Variants in CSMD1 observed in about 807,000 individuals in gnomAD.
The protein encoded by CSMD1 is CUB and Sushi multiple domains 1.
Under a neutral mutation model 417.5 loss-of-function variants are expected in CSMD1, and 213 were observed. The ratio of observed to expected loss-of-function variants is 0.51; its 90% CI spans 0.46 to 0.57. The LOEUF is 0.57. Ranked by LOEUF, CSMD1 falls within the 20% of genes least tolerant of loss-of-function variation. CSMD1 has a pLI of 0.00. For missense variants in CSMD1, 6,923 were observed against 4,529.7 expected (o/e 1.53, Z -15.17); for synonymous variants, 2,862 against 1,736.8 (o/e 1.65, Z -16.11).
intron 3 of CSMD1, among the ~76,000 whole-genome samples, chr8:4,105,134 T>C (rs1801502995): frequency 6.6e-6 from 1 of 152,132 alleles, no homozygotes; most frequent in African/African-American, 2.4e-5. Context: ...TAATACACAA[T>C]CACTAATAAC....
intron 12 of CSMD1, among the ~76,000 whole-genome samples, chr8:3,437,330 T>G (rs1402312310): frequency 2.6e-5 from 4 of 152,204 alleles, no homozygotes; most frequent in Non-Finnish European, 5.9e-5. Flanking sequence ...ATTATTGGCC[T>G]CAACTCGGGA....
chr8:4,168,358 T>G (rs1334059231), intron 3 of CSMD1, among the ~76,000 whole-genome samples: 1 of 152,006 alleles, frequency 6.6e-6, no homozygotes, highest in Non-Finnish European at 1.5e-5. Context: ...ATTGCGCCAC[T>G]GTACTCAGTC....
intron 1 of CSMD1, among the ~76,000 whole-genome samples, chr8:4,664,506 A>G (rs2130929037): frequency 6.6e-6 from 1 of 152,284 alleles, no homozygotes; most frequent in Admixed American, 6.5e-5. Context: ...GGCTGCAGTG[A>G]GCCGTGATCA....
chr8:4,463,121 G>A (rs766452717), intron 2 of CSMD1, among the ~76,000 whole-genome samples: 6 of 152,092 alleles, frequency 3.9e-5, no homozygotes, highest in African/African-American at 4.8e-5. Flanking sequence ...CCAAGTATGG[G>A]CACAATAATC....
chr8:3,896,776 C>T (rs1378358420), intron 5 of CSMD1, among the ~76,000 whole-genome samples: 1 of 151,928 alleles, frequency 6.6e-6, no homozygotes, highest in South Asian at 2.1e-4. Context: ...ACGTAAACAG[C>T]AAGTATATTG....
At chr8:3,722,022 G>T (rs1406919875) in intron 6 of CSMD1, among the ~76,000 whole-genome samples, 1 of 152,120 alleles carries the variant, frequency 6.6e-6, no homozygotes, top group Non-Finnish European at 1.5e-5. Flanking sequence ...AGTTGGCACA[G>T]GTTGTACAAG....
intron 4 of CSMD1, among the ~76,000 whole-genome samples, chr8:4,015,269 G>A (rs993050267): frequency 2.0e-5 from 3 of 152,120 alleles, no homozygotes; most frequent in African/African-American, 7.2e-5. Context: ...TAAAAACACA[G>A]CTGTGTTTTA....
chr8:4,234,203 A>G (rs745527701), intron 3 of CSMD1, among the ~76,000 whole-genome samples: 12 of 152,218 alleles, frequency 7.9e-5, no homozygotes, highest in Admixed American at 7.9e-4. Flanking sequence ...AAAGATGAAC[A>G]GAAAAGACAT....
chr8:3,107,740 A>T lies in CSMD1; in HGVS notation c.6813T>A (p.Thr2271=). The T allele has an allele frequency of 6.3e-7, 1 of 1,592,444 alleles. No individual in the cohort carries two copies. The highest frequency in any genetic ancestry group is 8.5e-7 in the Non-Finnish European group (1 of 1,170,970). The change falls in exon 45 of 70, where the codon ACT becomes ACA. Residue 2271 remains threonine (T), a synonymous_variant. Transcript: ENST00000635120. ...TACCTATTTCGAAATCATCATCCTC[A>T]GTAAGCATTTCTGCCTGTGGAACCG... ...PPAVPQAEML[T]EDDDFEIGDF... is the part of the protein sequence containing the mutation.
At chr8:4,963,880 C>A (rs1430870918) in intron 1 of CSMD1, among the ~76,000 whole-genome samples, 2 of 152,130 alleles carry the variant, frequency 1.3e-5, no homozygotes, top group African/African-American at 2.4e-5. Context: ...AGAAATACCT[C>A]CACTTTCCAA....
At chr8:3,627,579 G>C (rs537630369) in intron 7 of CSMD1, among the ~76,000 whole-genome samples, 18 of 152,140 alleles carry the variant, frequency 1.2e-4, no homozygotes, top group Non-Finnish European at 2.2e-4. Context: ...ATGTGGAAAA[G>C]GTAACAATCT....
At chr8:4,474,427 G>T (rs2130077345) in intron 2 of CSMD1, among the ~76,000 whole-genome samples, 1 of 152,256 alleles carries the variant, frequency 6.6e-6, no homozygotes, top group African/African-American at 2.4e-5. Flanking sequence ...GAGGGTCATA[G>T]AAGTGAAAAA....
At chr8:4,824,082 C>A (rs1273672790) in intron 1 of CSMD1, among the ~76,000 whole-genome samples, 6 of 147,634 alleles carry the variant, frequency 4.1e-5, no homozygotes, top group Admixed American at 6.8e-5. Flanking sequence ...AAATAAATAT[C>A]CACACACACA....
intron 10 of CSMD1, among the ~76,000 whole-genome samples, chr8:3,557,384 A>T (rs1246765008): frequency 1.3e-5 from 2 of 152,156 alleles, no homozygotes; most frequent in African/African-American, 4.8e-5. Context: ...ACTATCATTT[A>T]TTCGTGACCA....
chr8:4,527,852 G>A (rs997022183), intron 2 of CSMD1, among the ~76,000 whole-genome samples: 1 of 152,196 alleles, frequency 6.6e-6, no homozygotes, highest in African/African-American at 2.4e-5. Flanking sequence ...TCTTTAAATG[G>A]AATGACGTCT....
At chr8:4,083,620 G>C (rs1030796421) in intron 3 of CSMD1, among the ~76,000 whole-genome samples, 1 of 152,096 alleles carries the variant, frequency 6.6e-6, no homozygotes, top group African/African-American at 2.4e-5. Flanking sequence ...AATGGTGCTG[G>C]GAAAACTGGC....
Position 3,503,470 on chromosome 8 carries a change from T to C in CSMD1, c.1345-9744A>G, listed in dbSNP as rs139695469. Among the ~76,000 whole-genome samples the C allele has an allele frequency of 4.6e-3, 707 of 152,346 alleles. 7 individuals are homozygous for C. Among genetic ancestry groups the C allele is most frequent in the African/African-American group, 0.016 (681 of 41,584 alleles). Reference sequence around the variant, plus strand: ...GCAATTCCTCTAAAACACAGCAGTCTTGGGACGGCGGCATCAGCTGGCAGG... The same window carrying C: ...GCAATTCCTCTAAAACACAGCAGTCCTGGGACGGCGGCATCAGCTGGCAGG... On this transcript the variant is annotated intron_variant, in intron 10 of 69. Coordinates refer to ENST00000635120, the MANE Select transcript of CSMD1 (RefSeq NM_033225.6).
At chr8:4,923,009 A>G (rs1806599529) in intron 1 of CSMD1, among the ~76,000 whole-genome samples, 1 of 152,136 alleles carries the variant, frequency 6.6e-6, no homozygotes, top group Non-Finnish European at 1.5e-5. Context: ...CCTAGCATCC[A>G]CCTCAGCTAG....
chr8:4,490,305 G>A (rs1801637234), intron 2 of CSMD1, among the ~76,000 whole-genome samples: 1 of 152,112 alleles, frequency 6.6e-6, no homozygotes, highest in Admixed American at 6.5e-5. Context: ...CTCCCAAAGT[G>A]CTGGGATTAC....
Sources: allele counts gnomAD v4.1 joint callset (sites outside exome capture counted in the v4.1 genomes callset), GRCh38; gene constraint gnomAD v4.1.1; transcripts MANE v1.5; gene names NCBI Gene and HGNC (gene_info 2026-07-23, HGNC 2026-07-21).